The following RHOU variants were observed in gnomAD, a reference collection of about 807,000 sequenced individuals.
RHOU encodes the protein ras homolog family member U.
RHOU carries 8 observed loss-of-function variants against 12.6 expected under a neutral mutation model. The ratio of observed to expected loss-of-function variants is 0.64; its 90% confidence interval spans 0.37 to 1.15. RHOU has a LOEUF of 1.15. RHOU is among the 50% of genes most tolerant of loss of function. The pLI is 0.01. For missense variants in RHOU, 258 were observed against 347.0 expected, an observed-to-expected ratio of 0.74 and a Z score of 2.04; for synonymous variants, 161 against 147.4, an observed-to-expected ratio of 1.09 and a Z score of -0.67.
chr1:228,679,934 C>T, the RHOU span, among the ~76,000 whole-genome samples: 6 of 152,058 alleles, frequency 3.9e-5, no homozygotes, highest in African/African-American at 9.6e-5. Context: ...TAAAATGTCT[C>T]GAGCCAATAA....
the RHOU span, chr1:228,650,358 G>A: frequency 5.6e-5 from 26 of 461,146 alleles, no homozygotes; most frequent in African/African-American, 4.4e-4. Context: ...CCTTGAGCGT[G>A]CCTGGCTCAC....
At chr1:228,728,411 A>G in the RHOU span, among the ~76,000 whole-genome samples, 1 of 152,204 alleles carries the variant, frequency 6.6e-6, no homozygotes, top group African/African-American at 2.4e-5. Flanking sequence ...TAAAACACTT[A>G]TAAATAGCCA....
At chr1:228,666,829 C>T in the RHOU span, among the ~76,000 whole-genome samples, 5 of 152,184 alleles carry the variant, frequency 3.3e-5, no homozygotes, top group Non-Finnish European at 5.9e-5. Context: ...GCAATTCCCT[C>T]ATGGAATGTA....
the RHOU span, among the ~76,000 whole-genome samples, chr1:228,668,804 T>G: frequency 6.6e-6 from 1 of 152,206 alleles, no homozygotes; most frequent in Non-Finnish European, 1.5e-5. Flanking sequence ...CTGCTGTCCT[T>G]TCAGGCCTAC....
At chr1:228,677,788 G>A in the RHOU span, among the ~76,000 whole-genome samples, 29 of 152,174 alleles carry the variant, frequency 1.9e-4, no homozygotes, top group African/African-American at 6.8e-4. Context: ...TAAGGGTGGC[G>A]ATTTGAGGTA....
chr1:228,695,598 G>A, the RHOU span, among the ~76,000 whole-genome samples: 16 of 152,152 alleles, frequency 1.1e-4, no homozygotes, highest in Admixed American at 6.5e-5. Context: ...ATTTGCTAGC[G>A]TGGCTCACAG....
the RHOU span, among the ~76,000 whole-genome samples, chr1:228,663,401 G>A: frequency 1.3e-5 from 2 of 152,158 alleles, no homozygotes; most frequent in East Asian, 3.9e-4. Flanking sequence ...AGAATACAAT[G>A]TGTGTGCAAA....
the RHOU span, among the ~76,000 whole-genome samples, chr1:228,716,113 T>C: frequency 6.6e-6 from 1 of 152,082 alleles, no homozygotes; most frequent in Non-Finnish European, 1.5e-5. Flanking sequence ...TATAGGGGCC[T>C]TGCTTTGTTG....
the RHOU span, among the ~76,000 whole-genome samples, chr1:228,714,846 C>T: frequency 8.9e-5 from 13 of 145,310 alleles, no homozygotes; most frequent in Admixed American, 7.1e-4. Flanking sequence ...CGGGTTCAAG[C>T]GATTCTTCTG....
the RHOU span, among the ~76,000 whole-genome samples, chr1:228,715,306 CTG>C: frequency 2.0e-5 from 3 of 152,128 alleles, no homozygotes; most frequent in Admixed American, 2.0e-4. Context: ...TTCTGATACA[CTG>C]TGTTTTAATT....
the RHOU span, among the ~76,000 whole-genome samples, chr1:228,683,746 T>C: frequency 6.6e-6 from 1 of 152,296 alleles, no homozygotes; most frequent in African/African-American, 2.4e-5. Context: ...CCAATATGAG[T>C]GATGGCAGCC....
the RHOU span, among the ~76,000 whole-genome samples, chr1:228,695,648 G>A: frequency 6.6e-6 from 1 of 152,186 alleles, no homozygotes; most frequent in Non-Finnish European, 1.5e-5. Context: ...TATTACAAAG[G>A]ATACAAATGA....
the RHOU span, among the ~76,000 whole-genome samples, chr1:228,704,983 C>T: frequency 0.026 from 3,970 of 151,942 alleles, 186 homozygotes; most frequent in African/African-American, 0.09. Context: ...TGTGTTTTTA[C>T]TAGAGATGGG....
the RHOU span, among the ~76,000 whole-genome samples, chr1:228,658,889 TCAGAGGACCAAC>T: frequency 2.0e-5 from 3 of 152,138 alleles, no homozygotes; most frequent in African/African-American, 7.2e-5. Context: ...ATTCATGAAA[TCAGAGGACCAAC>T]TGTATTTATT....
the RHOU span, among the ~76,000 whole-genome samples, chr1:228,648,784 T>G: frequency 6.6e-6 from 1 of 152,226 alleles, no homozygotes; most frequent in Non-Finnish European, 1.5e-5. Flanking sequence ...GATCTGTTTC[T>G]TCCTATTTAA....
chr1:228,708,841 C>T, the RHOU span, among the ~76,000 whole-genome samples: 1 of 152,060 alleles, frequency 6.6e-6, no homozygotes, highest in Non-Finnish European at 1.5e-5. Flanking sequence ...ACTAAATGCT[C>T]CAATTAAAAG....
At chr1:228,739,729 G>C (rs565058816) in intron 2 of RHOU, among the ~76,000 whole-genome samples, 6 of 152,328 alleles carry the variant, frequency 3.9e-5, no homozygotes, top group Admixed American at 1.3e-4. Flanking sequence ...GCACCTACCT[G>C]CCCCAGGATG....
the RHOU span, chr1:228,650,268 G>A: frequency 4.3e-6 from 2 of 461,152 alleles, no homozygotes; most frequent in South Asian, 1.5e-5. Context: ...GGTCGCTGGC[G>A]CCAGTGTGCA....
At chr1:228,659,967 A>C in the RHOU span, among the ~76,000 whole-genome samples, 1,631 of 57,908 alleles carry the variant, frequency 0.028, 44 homozygotes, top group African/African-American at 0.15. Flanking sequence ...AAAAAAAAAC[A>C]AAAAAAAAAA....
Sources: allele counts gnomAD v4.1 joint callset (sites outside exome capture counted in the v4.1 genomes callset), GRCh38; gene constraint gnomAD v4.1.1; transcripts MANE v1.5; gene names NCBI Gene and HGNC (gene_info 2026-07-23, HGNC 2026-07-21).